The following BARD1 variants were observed in gnomAD, a reference collection of about 807,000 sequenced individuals.
BARD1 encodes the protein BRCA1 associated RING domain 1.
In BARD1, 73 loss-of-function variants were observed where a neutral mutation model predicts 77.0. That is an observed-to-expected ratio of 0.95 (90% CI 0.79 to 1.15). The LOEUF (loss-of-function observed/expected upper bound fraction) is 1.15, where lower values mean the gene tolerates loss of function less well. BARD1 is among the 50% of genes most tolerant of loss of function. The pLI, the probability that BARD1 is intolerant of heterozygous loss-of-function variation, is 0.00. For missense variants in BARD1, 993 were observed against 938.8 expected, an observed-to-expected ratio of 1.06 and a Z score of -0.75; for synonymous variants, 384 against 338.0, an observed-to-expected ratio of 1.14 and a Z score of -1.49.
intron 9 of BARD1, among the ~76,000 whole-genome samples, chr2:214,732,028 A>C (rs924492758): frequency 2.0e-5 from 3 of 152,234 alleles, no homozygotes; most frequent in African/African-American, 7.2e-5. Flanking sequence ...ATCACTTGAT[A>C]TCTAATGGCT....
At chr2:214,778,182 C>A (rs1307278852) in intron 4 of BARD1, among the ~76,000 whole-genome samples, 6 of 151,208 alleles carry the variant, frequency 4.0e-5, no homozygotes, top group Non-Finnish European at 8.9e-5. Context: ...GGTGACAGGG[C>A]AAGACTCTGT....
chr2:214,767,238 A>G (rs912947684), intron 6 of BARD1, among the ~76,000 whole-genome samples: 1 of 152,124 alleles, frequency 6.6e-6, no homozygotes, highest in Non-Finnish European at 1.5e-5. Flanking sequence ...ATATTTCCCA[A>G]TTATTTTTGA....
At chr2:214,778,993 A>G (rs1368674552) in intron 4 of BARD1, among the ~76,000 whole-genome samples, 1 of 152,208 alleles carries the variant, frequency 6.6e-6, no homozygotes, top group Non-Finnish European at 1.5e-5. Context: ...TTATGTCTAT[A>G]ACTTTGTTTA....
chr2:214,732,050 GA>G (rs1357733609), intron 9 of BARD1, among the ~76,000 whole-genome samples: 38 of 152,202 alleles, frequency 2.5e-4, no homozygotes, highest in African/African-American at 8.7e-4. Context: ...AAAATGATCA[GA>G]AAAAAATCTA....
chr2:214,791,632 C>T (rs1695518471), intron 3 of BARD1, among the ~76,000 whole-genome samples: 1 of 152,088 alleles, frequency 6.6e-6, no homozygotes, highest in African/African-American at 2.4e-5. Context: ...ACGTTAACCC[C>T]CACTTAAATA....
rs1553628365 is a variant in BARD1 at position 214,809,437 on chromosome 2, C to T, written c.133G>A (p.Glu45Lys). The change falls in exon 1 of 11, where the codon GAG becomes AAG. Residue 45 changes from glutamate (E) to lysine (K), a missense_variant. Glu to Lys is a moderately conservative substitution (Grantham distance 56). Transcript: ENST00000260947. ...CAACGCGAGCAGCGCAGCAGCTTCT[C>T]CAGGCGGTCGAGCGCGGCGCGACTG... ...AHSRAALDRL[E>K]KLLRCSRCTN... 1 of 1,612,242 alleles carries T rather than the reference C, an allele frequency of 6.2e-7. No homozygotes were observed. Among genetic ancestry groups the T allele is most frequent in the Non-Finnish European group, 8.5e-7 (1 of 1,179,776 alleles).
chr2:214,740,203 A>G (rs1457049609), intron 9 of BARD1, among the ~76,000 whole-genome samples: 1 of 152,082 alleles, frequency 6.6e-6, no homozygotes, highest in East Asian at 1.9e-4. Flanking sequence ...TGTTCTGATT[A>G]GGACAATCAC....
chr2:214,743,489 TC>T (rs1428033360), intron 9 of BARD1, among the ~76,000 whole-genome samples: 2 of 152,242 alleles, frequency 1.3e-5, no homozygotes, highest in African/African-American at 4.8e-5. Context: ...CACGTACTTT[TC>T]CTTCAGTGTC....
rs1553624812 is a variant in BARD1, at chr2:214,792,407, A to G, written c.254T>C (p.Val85Ala). The change falls in exon 3 of 11, where the codon GTG (valine) becomes GCG (alanine). Residue 85 changes from valine (V) to alanine (A), a missense_variant. Physicochemically the swap from Val to Ala is moderately conservative, Grantham distance 64. Coordinates refer to ENST00000260947, the MANE Select transcript of BARD1 (RefSeq NM_000465.4). ...TTGTATCCAGGCCGGGGTGTAACAC[A>G]CTGGACATCCAGTTCCAATGCAGTC... ...VSDCIGTGCPVCYTPAWIQDL... is the reference protein window; with the variant it reads ...VSDCIGTGCPACYTPAWIQDL... The G allele has an allele frequency of 1.2e-6, 2 of 1,612,434 alleles. No individual in the cohort carries two copies. Among genetic ancestry groups the G allele is most frequent in the Non-Finnish European group, 1.7e-6 (2 of 1,179,430 alleles).
rs764997234 is a variant in BARD1, at chr2:214,809,597, C to A, written c.-28G>T. 6.5e-7 allele frequency: 1 copy of A among 1,532,262 alleles called. No homozygotes were observed. The highest frequency in any genetic ancestry group is 1.2e-5 in the South Asian group (1 of 84,418). The allele number at this position is 1,532,262 out of a possible 1,614,324, so 94.9% of individuals were successfully genotyped here. A position where few individuals can be genotyped will look rare whatever the true frequency, so the allele number is the denominator to read the frequency against. ...TCCCGCCTTCGGATGAAAGGCTCCT[C>A]GCAGAGCGGGAAGCAAGGAAGCCTC... is the stretch of plus-strand genomic sequence containing the variant. On this transcript the variant is annotated 5_prime_UTR_variant, in exon 1 of 11. Coordinates refer to ENST00000260947, the MANE Select transcript of BARD1 (RefSeq NM_000465.4).
chr2:214,797,298 C>T (rs1037518193), intron 1 of BARD1, among the ~76,000 whole-genome samples, 181 bp from the exon 2 acceptor site: 10 of 152,126 alleles, frequency 6.6e-5, no homozygotes, highest in Non-Finnish European at 1.3e-4. Context: ...CATAACATAC[C>T]TGATGATTTT....
intron 4 of BARD1, among the ~76,000 whole-genome samples, chr2:214,779,896 T>C (rs1694900221): frequency 6.6e-6 from 1 of 152,234 alleles, no homozygotes; most frequent in Non-Finnish European, 1.5e-5. Context: ...ATTTCACATG[T>C]AGTGTTTGTG....
chr2:214,807,359 T>A lies in BARD1; in HGVS notation c.158+2053A>T, dbSNP rs1050586267. 5.9e-5 allele frequency among the ~76,000 whole-genome samples: 9 copies of A among 152,128 alleles called. No individual in the cohort carries two copies. In the East Asian group the frequency reaches 1.7e-3, roughly 29 times the overall value. Reference sequence around the variant, plus strand: ...TCACTTCAGTTAGAAACTGGAAAAATATTTGGTAGGGGATAAAAAGTGAAA... The same window carrying A: ...TCACTTCAGTTAGAAACTGGAAAAAAATTTGGTAGGGGATAAAAAGTGAAA... On this transcript the variant is annotated intron_variant, in intron 1 of 10. Transcript: ENST00000260947.
intron 6 of BARD1, among the ~76,000 whole-genome samples, chr2:214,764,396 A>G (rs1359092543): frequency 6.6e-6 from 1 of 152,200 alleles, no homozygotes; most frequent in East Asian, 1.9e-4. Context: ...CCAAAAGGAC[A>G]GGATAACCCA....
At chr2:214,755,162 T>C (rs1034634096) in intron 6 of BARD1, among the ~76,000 whole-genome samples, 18 of 152,198 alleles carry the variant, frequency 1.2e-4, no homozygotes, top group Non-Finnish European at 2.5e-4. Context: ...AAAAGTTATG[T>C]TGAAATGTAT....
chr2:214,731,933 C>T (rs962723989), intron 9 of BARD1, among the ~76,000 whole-genome samples: 1 of 152,132 alleles, frequency 6.6e-6, no homozygotes, highest in African/African-American at 2.4e-5. Flanking sequence ...ATTGTATCCA[C>T]ATCAATAAAA....
At chr2:214,745,653 G>C in intron 8 of BARD1, 69 bp downstream of exon 8, 1 of 1,548,144 alleles carries the variant, frequency 6.5e-7, no homozygotes, top group African/African-American at 1.4e-5. Flanking sequence ...ATTATCAAAG[G>C]TAGTTCTCCA....
chr2:214,743,413 T>TC (rs2106014976), intron 9 of BARD1, among the ~76,000 whole-genome samples: 1 of 152,354 alleles, frequency 6.6e-6, no homozygotes, highest in African/African-American at 2.4e-5. Context: ...CACTGTTCTT[T>TC]CTTAACATCT....
At chr2:214,798,265 C>T (rs189120275) in intron 1 of BARD1, among the ~76,000 whole-genome samples, 4 of 152,104 alleles carry the variant, frequency 2.6e-5, no homozygotes, top group African/African-American at 9.7e-5. Flanking sequence ...GAAAATGGTG[C>T]TCACTGACGT....
Sources: gnomAD v4.1 joint callset for allele counts (sites outside exome capture counted in the v4.1 genomes callset) on GRCh38, gnomAD v4.1.1 for gene constraint, MANE v1.5 for transcripts, NCBI Gene and HGNC (gene_info 2026-07-23, HGNC 2026-07-21) for gene names.